The following SGTB variants were observed in gnomAD, a reference collection of about 807,000 sequenced individuals.
SGTB encodes small glutamine-rich tetratricopeptide repeat-containing protein beta.
In SGTB, 19 loss-of-function variants were observed where a neutral mutation model predicts 43.9. The ratio of observed to expected loss-of-function variants is 0.43; its 90% CI spans 0.30 to 0.63. The LOEUF is 0.63. Ranked by LOEUF, SGTB falls within the 30% of genes least tolerant of loss-of-function variation. The pLI, the probability that SGTB is intolerant of heterozygous loss-of-function variation, is 0.12. For missense variants in SGTB, 304 were observed against 358.9 expected (o/e 0.85, Z 1.24); for synonymous variants, 116 against 117.3 (o/e 0.99, Z 0.07).
chr5:65,673,426 G>A (rs1757197389), intron 8 of SGTB, among the ~76,000 whole-genome samples: 1 of 152,066 alleles, frequency 6.6e-6, no homozygotes, highest in Non-Finnish European at 1.5e-5. Context: ...AAGCATTACT[G>A]CCTGAGCTCC....
intron 4 of SGTB, among the ~76,000 whole-genome samples, chr5:65,708,209 A>G (rs1229618876): frequency 6.6e-6 from 1 of 152,260 alleles, no homozygotes; most frequent in Non-Finnish European, 1.5e-5. Context: ...ATCCTACAGT[A>G]TAAGTAGCAA....
chr5:65,683,541 A>T (rs1184228110), intron 6 of SGTB, among the ~76,000 whole-genome samples: 1 of 152,218 alleles, frequency 6.6e-6, no homozygotes, highest in Non-Finnish European at 1.5e-5. Context: ...CAACCCTAAA[A>T]TACAGCATTG....
chr5:65,701,009 C>CAAAAA (rs1161067337), intron 5 of SGTB, among the ~76,000 whole-genome samples: 2 of 16,118 alleles, frequency 1.2e-4, no homozygotes, highest in Non-Finnish European at 3.1e-4. Context: ...GACTCCGTCT[C>CAAAAA]AAAAAAAAAA....
intron 5 of SGTB, among the ~76,000 whole-genome samples, chr5:65,703,898 C>T (rs900552785): frequency 6.6e-6 from 1 of 150,838 alleles, no homozygotes; most frequent in Non-Finnish European, 1.5e-5. Context: ...ATTAGCCGGG[C>T]GTGGTGACAG....
intron 8 of SGTB, among the ~76,000 whole-genome samples, chr5:65,673,798 G>A (rs539845378): frequency 4.9e-4 from 75 of 152,186 alleles, no homozygotes; most frequent in African/African-American, 1.8e-3. Context: ...TGGGATTACA[G>A]GCATGCACCA....
intron 4 of SGTB, 104 bp from the exon 5 acceptor site, chr5:65,704,482 G>A (rs1230566881): frequency 2.4e-5 from 20 of 843,406 alleles, no homozygotes; most frequent in Non-Finnish European, 3.0e-5. Context: ...TATGAAAGTC[G>A]GCCTCATGAT....
intron 2 of SGTB, 79 bp downstream of exon 2, chr5:65,720,629 A>G (rs1278760866): frequency 3.7e-5 from 56 of 1,513,458 alleles, no homozygotes; most frequent in Non-Finnish European, 5.0e-5. Flanking sequence ...GTTACAATAG[A>G]TCATCAAGTT....
intron 5 of SGTB, among the ~76,000 whole-genome samples, chr5:65,700,198 T>G (rs1757785632): frequency 6.6e-6 from 1 of 152,232 alleles, no homozygotes; most frequent in East Asian, 1.9e-4. Flanking sequence ...GTATACTGTC[T>G]TATCTTCTGG....
chr5:65,713,028 C>A lies in SGTB; in HGVS notation c.137G>T (p.Ser46Ile). The A allele has an allele frequency of 6.2e-7, 1 of 1,613,430 alleles. No homozygotes were observed. Among genetic ancestry groups the A allele is most frequent in the Non-Finnish European group, 8.5e-7 (1 of 1,179,778 alleles). The change falls in exon 3 of 11, where the codon AGC becomes ATC. Residue 46 changes from serine (S) to isoleucine (I), a missense_variant. Transcript: ENST00000381007. ...IQCLETVFKI[S>I]PEDTHLAVSQ... ...AACTGCTAGGTGTGTATCTTCTGGG[C>A]TGATCTTAAAAACTGTCTCCAAGCA...
At chr5:65,672,125 A>C in intron 9 of SGTB, 119 bp downstream of exon 9, 1 of 1,570,684 alleles carries the variant, frequency 6.4e-7, no homozygotes, top group Non-Finnish European at 8.7e-7. Context: ...GTGTGGCTTT[A>C]AGCTCCAACT....
At chr5:65,678,254 T>A (rs775914031) in intron 8 of SGTB, among the ~76,000 whole-genome samples, 23 of 152,010 alleles carry the variant, frequency 1.5e-4, no homozygotes, top group Non-Finnish European at 3.4e-4. Context: ...ACAATTGCCA[T>A]AAAAAGAATA....
At chr5:65,675,094 C>T (rs981869438) in intron 8 of SGTB, among the ~76,000 whole-genome samples, 2 of 152,142 alleles carry the variant, frequency 1.3e-5, no homozygotes, top group East Asian at 3.8e-4. Context: ...ATACAGTCAC[C>T]CCAGGAGCTT....
Position 65,666,712 on chromosome 5 carries a change from ATG to A in SGTB, c.*3532_*3533del, listed in dbSNP as rs775395325. The A allele has an allele frequency of 1.3e-5, 2 of 152,184 alleles. No homozygotes were observed. The highest frequency in any genetic ancestry group is 2.9e-5 in the Non-Finnish European group (2 of 68,000). The allele number at this position is 152,184 out of a possible 1,614,324, so 9.4% of individuals were successfully genotyped here. On this transcript the variant is annotated 3_prime_UTR_variant, in exon 11 of 11. Transcript: ENST00000381007. ...CAAAAATGGCTTGAATAGAATGGAA[ATG>A]TAGGCAAGTGGACAGATAGCATCTA...
chr5:65,694,201 G>A (rs930303282), intron 5 of SGTB, among the ~76,000 whole-genome samples: 81 of 152,016 alleles, frequency 5.3e-4, no homozygotes, highest in African/African-American at 2.2e-4. Flanking sequence ...AGGCCGAGAC[G>A]GGTGGATCAC....
At chr5:65,695,017 G>C (rs1169297707) in intron 5 of SGTB, among the ~76,000 whole-genome samples, 1 of 124,648 alleles carries the variant, frequency 8.0e-6, no homozygotes, top group South Asian at 2.7e-4. Flanking sequence ...GGATCCTGTA[G>C]GTATTTTGGA....
At chr5:65,708,826 A>G (rs1344097174) in intron 3 of SGTB, among the ~76,000 whole-genome samples, 1 of 152,174 alleles carries the variant, frequency 6.6e-6, no homozygotes, top group Non-Finnish European at 1.5e-5. Flanking sequence ...GGACAGCTTG[A>G]GCTCAGGAGT....
At chr5:65,716,653 G>A (rs1758158249) in intron 2 of SGTB, among the ~76,000 whole-genome samples, 1 of 152,090 alleles carries the variant, frequency 6.6e-6, no homozygotes, top group South Asian at 2.1e-4. Context: ...ACAGAGATTG[G>A]GAAATTGCAT....
At chr5:65,682,644 T>C (rs1327944940) in intron 6 of SGTB, among the ~76,000 whole-genome samples, 2 of 152,274 alleles carry the variant, frequency 1.3e-5, no homozygotes, top group East Asian at 1.9e-4. Flanking sequence ...GACCTGTGCA[T>C]GGGATAGATA....
chr5:65,672,178 C>T, intron 9 of SGTB, 66 bp downstream of exon 9: 5 of 1,606,736 alleles, frequency 3.1e-6, no homozygotes, highest in Middle Eastern at 1.7e-4. Flanking sequence ...AGCTGATGTG[C>T]TCAAATTAGG....
Sources: allele counts gnomAD v4.1 joint callset (sites outside exome capture counted in the v4.1 genomes callset), GRCh38; gene constraint gnomAD v4.1.1; transcripts MANE v1.5; gene names NCBI Gene and HGNC (gene_info 2026-07-23, HGNC 2026-07-21).